ZMAT4: variants seen among roughly 807,000 people sequenced by gnomAD.
ZMAT4 encodes zinc finger matrin-type 4.
ZMAT4 carries 17 observed loss-of-function variants against 28.7 expected under a neutral mutation model. The observed-to-expected ratio is 0.59, with a 90% confidence interval of 0.41 to 0.89. The LOEUF (loss-of-function observed/expected upper bound fraction) is 0.89, where lower values mean the gene tolerates loss of function less well. Ranked by LOEUF, ZMAT4 falls within the 40% of genes least tolerant of loss-of-function variation. The probability of loss-of-function intolerance (pLI) is 0.00; values close to 1 mark genes in which losing one functional copy is unlikely to be tolerated. For synonymous variants in ZMAT4, 117 were observed against 109.2 expected (o/e 1.07, Z -0.44); for missense variants, 240 against 283.8 (o/e 0.85, Z 1.11).
chr8:40,736,544 A>G (rs1280783314), intron 3 of ZMAT4, among the ~76,000 whole-genome samples: 1 of 152,248 alleles, frequency 6.6e-6, no homozygotes, highest in Non-Finnish European at 1.5e-5. Flanking sequence ...ATGAAGAGGC[A>G]TCATGGCTGC....
chr8:40,867,334 G>T (rs1435700101), intron 1 of ZMAT4, among the ~76,000 whole-genome samples: 1 of 152,136 alleles, frequency 6.6e-6, no homozygotes, highest in Non-Finnish European at 1.5e-5. Context: ...TCTGGGCCAC[G>T]TGCAGCTGGT....
chr8:40,785,269 TTG>T (rs1814021011), intron 2 of ZMAT4, among the ~76,000 whole-genome samples: 2 of 152,358 alleles, frequency 1.3e-5, no homozygotes, highest in South Asian at 2.1e-4. Flanking sequence ...ACAGCTCTCA[TTG>T]TCTTGGCCAC....
intron 3 of ZMAT4, among the ~76,000 whole-genome samples, chr8:40,699,187 G>C (rs1810023042): frequency 6.6e-6 from 1 of 152,120 alleles, no homozygotes; most frequent in African/African-American, 2.4e-5. Context: ...TCACCAGGAA[G>C]AGGCAAATCA....
chr8:40,532,312 C>A (rs1009164598), intron 6 of ZMAT4, 74 bp from the exon 7 acceptor site: 49 of 1,332,182 alleles, frequency 3.7e-5, no homozygotes, highest in Admixed American at 6.4e-5. Flanking sequence ...CTCCCCCCCA[C>A]CCCCTGTCTC....
chr8:40,551,573 A>G (rs989101567), intron 6 of ZMAT4, among the ~76,000 whole-genome samples: 1 of 152,216 alleles, frequency 6.6e-6, no homozygotes, highest in Non-Finnish European at 1.5e-5. Context: ...GGAAGATTCA[A>G]CCATACCTCT....
intron 1 of ZMAT4, among the ~76,000 whole-genome samples, chr8:40,872,588 G>T (rs1817900569): frequency 6.6e-6 from 1 of 152,214 alleles, no homozygotes; most frequent in Non-Finnish European, 1.5e-5. Context: ...CAGGGGGATT[G>T]CCAAGGGTGG....
chr8:40,708,208 C>A (rs1225302955), intron 3 of ZMAT4, among the ~76,000 whole-genome samples: 1 of 152,144 alleles, frequency 6.6e-6, no homozygotes, highest in Non-Finnish European at 1.5e-5. Context: ...GCCAGAGGAA[C>A]CCTCAATAGC....
At chr8:40,544,467 G>T (rs1166337425) in intron 6 of ZMAT4, among the ~76,000 whole-genome samples, 4 of 152,168 alleles carry the variant, frequency 2.6e-5, no homozygotes, top group Non-Finnish European at 5.9e-5. Flanking sequence ...GAGATGAAAG[G>T]TGTGTCTTAC....
intron 1 of ZMAT4, among the ~76,000 whole-genome samples, chr8:40,834,472 C>T (rs1464578138): frequency 6.6e-6 from 1 of 152,132 alleles, no homozygotes; most frequent in African/African-American, 2.4e-5. Flanking sequence ...CACCAAATGG[C>T]CTCTGCTTAA....
At chr8:40,740,188 T>G (rs1811941391) in intron 3 of ZMAT4, among the ~76,000 whole-genome samples, 1 of 152,178 alleles carries the variant, frequency 6.6e-6, no homozygotes, top group African/African-American at 2.4e-5. Flanking sequence ...TCAAATGGTA[T>G]TTCTGGTATT....
chr8:40,689,857 A>T (rs1381753499), intron 4 of ZMAT4, among the ~76,000 whole-genome samples: 1 of 152,128 alleles, frequency 6.6e-6, no homozygotes, highest in Non-Finnish European at 1.5e-5. Context: ...TCTGAAACAA[A>T]GGTATAACAA....
chr8:40,678,329 G>C (rs913085099), intron 4 of ZMAT4, among the ~76,000 whole-genome samples: 4 of 152,130 alleles, frequency 2.6e-5, no homozygotes, highest in Non-Finnish European at 4.4e-5. Context: ...CTCTAAAATA[G>C]TAGCTAACAT....
chr8:40,724,565 G>T (rs1053359814), intron 3 of ZMAT4, among the ~76,000 whole-genome samples: 2 of 152,188 alleles, frequency 1.3e-5, no homozygotes, highest in African/African-American at 4.8e-5. Context: ...AGACAATGAT[G>T]AATAATTCCA....
At chr8:40,780,402 C>T (rs1813781206) in intron 2 of ZMAT4, among the ~76,000 whole-genome samples, 1 of 152,130 alleles carries the variant, frequency 6.6e-6, no homozygotes, top group Non-Finnish European at 1.5e-5. Flanking sequence ...CTCATAAAGT[C>T]GAACAATTGT....
chr8:40,721,079 T>C (rs1811067612), intron 3 of ZMAT4, among the ~76,000 whole-genome samples: 1 of 147,824 alleles, frequency 6.8e-6, no homozygotes, highest in South Asian at 2.2e-4. Context: ...CTGCACCCAC[T>C]AACTCGTCAT....
intron 2 of ZMAT4, among the ~76,000 whole-genome samples, chr8:40,812,938 AT>A (rs879715687): frequency 0.6 from 65,438 of 109,650 alleles, 15,552 homozygotes; most frequent in Middle Eastern, 0.7. Context: ...CATCTCAAAA[AT>A]TAAATTAAAT....
At chr8:40,545,289 G>A (rs1021311229) in intron 6 of ZMAT4, among the ~76,000 whole-genome samples, 1 of 152,094 alleles carries the variant, frequency 6.6e-6, no homozygotes, top group Non-Finnish European at 1.5e-5. Flanking sequence ...GTTACACTAT[G>A]CTAGGCCATT....
intron 5 of ZMAT4, among the ~76,000 whole-genome samples, chr8:40,600,720 G>A (rs1323205145): frequency 6.6e-6 from 1 of 152,148 alleles, no homozygotes. Context: ...CCATGAGTAT[G>A]CAGATCAGAT....
chr8:40,801,360 A>ATG (rs1451603231), intron 2 of ZMAT4, among the ~76,000 whole-genome samples: 1 of 144,996 alleles, frequency 6.9e-6, no homozygotes, highest in Non-Finnish European at 1.5e-5. Context: ...AAATATATAT[A>ATG]TATATATATA....
Sources: allele counts gnomAD v4.1 joint callset (sites outside exome capture counted in the v4.1 genomes callset), GRCh38; gene constraint gnomAD v4.1.1; transcripts MANE v1.5; gene names NCBI Gene and HGNC (gene_info 2026-07-23, HGNC 2026-07-21).